The following BRF1 variants were observed in gnomAD, a reference collection of about 807,000 sequenced individuals.
BRF1 encodes BRF1 general transcription factor IIIB subunit.
A neutral mutation model predicts 81.7 loss-of-function variants in BRF1; 59 were observed. The ratio of observed to expected loss-of-function variants is 0.72; its 90% CI spans 0.59 to 0.90. BRF1 has a LOEUF of 0.90. BRF1 is among the 40% of genes least tolerant of loss of function. The pLI, the probability that BRF1 is intolerant of heterozygous loss-of-function variation, is 0.00. For missense variants in BRF1, 1,050 were observed against 936.3 expected (o/e 1.12, Z -1.58); for synonymous variants, 491 against 395.6 (o/e 1.24, Z -2.86).
At chr14:105,248,873 G>A in intron 5 of BRF1, 1 of 989,388 alleles carries the variant, frequency 1.0e-6, no homozygotes, top group Non-Finnish European at 1.2e-6. Flanking sequence ...CCGCGAAGAT[G>A]GCGGCGGAAC....
At chr14:105,306,691 T>C (rs10147674) in intron 1 of BRF1, among the ~76,000 whole-genome samples, 17,407 of 151,920 alleles carry the variant, frequency 0.11, 3,388 homozygotes, top group African/African-American at 0.4. Flanking sequence ...CCGCAATCTC[T>C]ACCTCCCGGG....
intron 2 of BRF1, among the ~76,000 whole-genome samples, chr14:105,280,840 ATGACCCT>A (rs2057049821): frequency 8.0e-6 from 1 of 125,316 alleles, no homozygotes; most frequent in Non-Finnish European, 1.7e-5. Flanking sequence ...TGGAGGCTGC[ATGACCCT>A]GAGCCCGGGT....
rs2816628 is a variant in BRF1 at position 105,269,797 on chromosome 14, T to G, written c.439+2924A>C. Among the ~76,000 whole-genome samples, 49,694 of 152,008 alleles carry G rather than the reference T, an allele frequency of 0.33. 8,709 individuals carry two copies. Among genetic ancestry groups the G allele is most frequent in the African/African-American group, 0.44 (18,333 of 41,460 alleles). On this transcript the variant is annotated intron_variant, in intron 3 of 17. Coordinates refer to ENST00000547530, the MANE Select transcript of BRF1 (RefSeq NM_001519.4). This position sits in a 1 kb window ranked among gnomAD's most constrained non-coding sequence, Gnocchi z 5.0. ...AGTGAGGCAGCAGCATGGACGTGGTTCCACCCCACCTTGCTGACGCTGGGG... is the reference window on the plus strand; with the variant it reads ...AGTGAGGCAGCAGCATGGACGTGGTGCCACCCCACCTTGCTGACGCTGGGG...
chr14:105,213,190 T>G, intron 15 of BRF1: 1 of 152,398 alleles, frequency 6.6e-6, no homozygotes, highest in Non-Finnish European at 1.5e-5. Flanking sequence ...CAGCTGGCCC[T>G]GCAGCGGGGC....
chr14:105,254,242 G>C (rs891348809), intron 4 of BRF1, among the ~76,000 whole-genome samples: 1 of 152,168 alleles, frequency 6.6e-6, no homozygotes, highest in Non-Finnish European at 1.5e-5. Context: ...TGCAAAACGC[G>C]TGCAGTTTTT....
chr14:105,275,440 C>A (rs1032593300), intron 2 of BRF1, among the ~76,000 whole-genome samples: 1 of 152,246 alleles, frequency 6.6e-6, no homozygotes, highest in African/African-American at 2.4e-5. Context: ...ACAGAAAGGG[C>A]ATCGTGCCAG....
At chr14:105,211,062 G>T in intron 17 of BRF1, 60 bp downstream of exon 17, 1 of 1,591,564 alleles carries the variant, frequency 6.3e-7, no homozygotes. Context: ...GGATCATGAG[G>T]GGCAGTAGCT....
At chr14:105,227,958 C>G (rs1472114682) in intron 7 of BRF1, 1 of 152,228 alleles carries the variant, frequency 6.6e-6, no homozygotes, top group Non-Finnish European at 1.5e-5. Flanking sequence ...TCACATTTAC[C>G]TTGTCAAAGT....
rs1177892661 is a variant in BRF1 at position 105,210,477 on chromosome 14, C to T, written c.*74G>A. 3 of 1,570,492 alleles carry T rather than the reference C, an allele frequency of 1.9e-6. No individual in the cohort carries two copies. Among genetic ancestry groups the T allele is most frequent in the Non-Finnish European group, 2.6e-6 (3 of 1,157,114 alleles). On this transcript the variant is annotated 3_prime_UTR_variant, in exon 18 of 18. Transcript: ENST00000547530. This position sits in a 1 kb window ranked among gnomAD's most constrained non-coding sequence, Gnocchi z 4.7. ...GGCGCTGGGGCCTGCCTGCTGCGGT[C>T]CTGGAAGCCCGTCTGATGCTGAGGA...
chr14:105,228,643 A>G (rs1026614299), intron 7 of BRF1, among the ~76,000 whole-genome samples, 177 bp downstream of exon 7: 3 of 151,918 alleles, frequency 2.0e-5, no homozygotes, highest in Admixed American at 1.3e-4. Context: ...GAGGGAGGCG[A>G]GGCAGCCCAC....
In BRF1 at chr14:105,252,248, G is replaced by A. The variant is rs114603807; in HGVS notation, c.544+259C>T. On this transcript the variant is annotated intron_variant, in intron 5 of 17. Transcript: ENST00000547530. ...CCAGTGCTTTGGGAGGCGAAGGCAC[G>A]AGGATCACTTGAGGCCAGGAGTTTG... 5.1e-3 allele frequency: 2,549 copies of A among 499,290 alleles called. 63 individuals carry two copies. The highest frequency in any genetic ancestry group is 0.051 in the African/African-American group (2,430 of 47,802). 30.9% of individuals were successfully genotyped at this position (499,290 alleles called of 1,614,324 possible). A position where few individuals can be genotyped will look rare whatever the true frequency, so the allele number is the denominator to read the frequency against.
rs894714626 is a variant in BRF1, at chr14:105,271,034, G to A, written c.439+1687C>T. Among the ~76,000 whole-genome samples, 1 of 152,114 alleles carries A rather than the reference G, an allele frequency of 6.6e-6. No homozygotes were observed. Among genetic ancestry groups the A allele is most frequent in the Non-Finnish European group, 1.5e-5 (1 of 68,038 alleles). On this transcript the variant is annotated intron_variant, in intron 3 of 17. Coordinates refer to ENST00000547530, the MANE Select transcript of BRF1 (RefSeq NM_001519.4). This position sits in a 1 kb window ranked among gnomAD's most constrained non-coding sequence, Gnocchi z 5.5. ...GAGAAGATGCCACACTCAGGAAGAC[G>A]GGAGATTATAAAAAAGATTCGGAAA...
intron 3 of BRF1, among the ~76,000 whole-genome samples, chr14:105,263,654 G>T (rs201623712): frequency 6.6e-6 from 1 of 152,136 alleles, no homozygotes; most frequent in Non-Finnish European, 1.5e-5. Flanking sequence ...GGCCGGGCGC[G>T]ATGGCTCACG....
At chr14:105,273,033 G>A in intron 2 of BRF1, 139 bp from the exon 3 acceptor site, 1 of 969,340 alleles carries the variant, frequency 1.0e-6, no homozygotes, top group Non-Finnish European at 1.5e-6. Flanking sequence ...TTATATGTGG[G>A]TTCCAATCAC....
rs146426875 is a variant in BRF1, at chr14:105,250,517, G to A, written c.544+1990C>T. On this transcript the variant is annotated intron_variant, in intron 5 of 17. Coordinates refer to ENST00000547530, the MANE Select transcript of BRF1 (RefSeq NM_001519.4). ...AGACACCTTCTACACGGCCAGTGCC[G>A]TCCTGGACGGCAGCGAACTCAGCTA... 3.4e-3 allele frequency: 5,468 copies of A among 1,614,072 alleles called. 32 individuals are homozygous for A. The highest frequency in any genetic ancestry group is 0.011 in the Middle Eastern group (67 of 6,062).
At chr14:105,249,613 C>T (rs765335615) in intron 5 of BRF1, 4 of 1,592,076 alleles carry the variant, frequency 2.5e-6, no homozygotes, top group South Asian at 1.1e-5. Flanking sequence ...GGGAGCCAGC[C>T]CCTGACGCGG....
At chr14:105,303,111 T>G (rs587763400), upstream of BRF1, among the ~76,000 whole-genome samples, 15 of 152,268 alleles carry the variant, frequency 9.9e-5, no homozygotes, top group Admixed American at 2.6e-4. Context: ...GTATTTTTAG[T>G]AGAGATGGGG....
At chr14:105,241,225 C>G (rs772029113) in intron 6 of BRF1, 40 bp downstream of exon 6, 11 of 1,602,780 alleles carry the variant, frequency 6.9e-6, no homozygotes, top group Non-Finnish European at 7.6e-6. Flanking sequence ...GAGGCCAGGA[C>G]CCAGACCAGC....
In BRF1 at chr14:105,217,667, C is replaced by T. The variant is rs1393811662; in HGVS notation, c.1649G>A (p.Gly550Asp). ...ATCCTCCCTGTGCGGACTGCCCCCGCCGGCGCTGCTGAGGCCCCGGAGCAC... is the reference window on the plus strand; with the variant it reads ...ATCCTCCCTGTGCGGACTGCCCCCGTCGGCGCTGCTGAGGCCCCGGAGCAC... ...YSVLRGLSSA[G>D]GGSPHREDAQ... is the part of the protein sequence containing the mutation. The change falls in exon 15 of 18, where the codon GGC (glycine) becomes GAC (aspartate). Residue 550 changes from glycine to aspartate, a missense_variant. Around this residue, in one of 2 missense-constraint regions of BRF1, gnomAD observed 1,043 missense variants for 915.4 expected, o/e 1.14. Coordinates refer to ENST00000547530, the MANE Select transcript of BRF1 (RefSeq NM_001519.4). 2.5e-6 allele frequency: 4 copies of T among 1,613,314 alleles called. No homozygotes were observed. The highest frequency in any genetic ancestry group is 4.5e-5 in the East Asian group (2 of 44,902).
Sources: gnomAD v4.1 joint callset for allele counts (sites outside exome capture counted in the v4.1 genomes callset) on GRCh38, gnomAD v4.1.1 for gene constraint, gnomAD v4.1.1 regional missense constraint, Gnocchi (gnomAD v3.1) non-coding constraint, MANE v1.5 for transcripts, NCBI Gene and HGNC (gene_info 2026-07-23, HGNC 2026-07-21) for gene names.